AKR1B10: variants seen among roughly 807,000 people sequenced by gnomAD.
The protein encoded by AKR1B10 is ARP.
Under a neutral mutation model 38.9 loss-of-function variants are expected in AKR1B10, and 39 were observed. The ratio of observed to expected loss-of-function variants is 1.00; its 90% CI spans 0.78 to 1.31. The LOEUF (loss-of-function observed/expected upper bound fraction) is 1.31, where lower values mean the gene tolerates loss of function less well. Ranked by LOEUF, AKR1B10 falls within the 50% of genes most tolerant of loss-of-function variation. The pLI is 0.00. For synonymous variants in AKR1B10, 148 were observed against 141.2 expected (o/e 1.05, Z -0.34); for missense variants, 361 against 382.6 (o/e 0.94, Z 0.47).
At chr7:134,529,514 TAGC>T (rs1231555284) in intron 1 of AKR1B10, among the ~76,000 whole-genome samples, 2 of 152,136 alleles carry the variant, frequency 1.3e-5, no homozygotes, top group South Asian at 2.1e-4. Context: ...ATTATGAACT[TAGC>T]AGTGGAGGTG....
chr7:134,533,920 G>A (rs1236015398), intron 4 of AKR1B10, among the ~76,000 whole-genome samples: 1 of 152,158 alleles, frequency 6.6e-6, no homozygotes, highest in African/African-American at 2.4e-5. Flanking sequence ...ATGAACAGTG[G>A]CTTATGACTC....
rs58628862 is a variant in AKR1B10 at position 134,535,585 on chromosome 7, C to CTTTTT, written c.430-1046_430-1042dup. The CTTTTT allele has an allele frequency of 1.6e-3, 650 of 410,508 alleles. 2 individuals are homozygous for CTTTTT. Among genetic ancestry groups the CTTTTT allele is most frequent in the Non-Finnish European group, 1.7e-3 (561 of 336,310 alleles). 25.4% of individuals were successfully genotyped at this position (410,508 alleles called of 1,614,324 possible). A position where few individuals can be genotyped will look rare whatever the true frequency, so the allele number is the denominator to read the frequency against. ...CTCATGTTTTTTCCCTCTTTTCTGTCTTTTTTTTTTTTTTTTTTTTTTTCT... is the reference window on the plus strand; with the variant it reads ...CTCATGTTTTTTCCCTCTTTTCTGTCTTTTTTTTTTTTTTTTTTTTTTTTTTTTCT... On this transcript the variant is annotated intron_variant, in intron 4 of 9. Coordinates refer to ENST00000359579, the MANE Select transcript of AKR1B10 (RefSeq NM_020299.5).
rs1157503046 is a variant in AKR1B10 at position 134,527,631 on chromosome 7, C to T, written c.-281C>T. 2.0e-5 allele frequency: 5 copies of T among 249,108 alleles called. No homozygotes were observed. Among genetic ancestry groups the T allele is most frequent in the Admixed American group, 1.7e-4 (4 of 23,138 alleles). 15.4% of individuals were successfully genotyped at this position (249,108 alleles called of 1,614,324 possible). ...CTGTAATCCCAGCACTTTGGAAGGCCGAGGTGGGCGGATCACCTGAGCTCA... is the reference window on the plus strand; with the variant it reads ...CTGTAATCCCAGCACTTTGGAAGGCTGAGGTGGGCGGATCACCTGAGCTCA... On this transcript the variant is annotated 5_prime_UTR_variant, in exon 1 of 10. Transcript: ENST00000359579.
At chr7:134,535,498 C>G in intron 4 of AKR1B10, 1 of 565,130 alleles carries the variant, frequency 1.8e-6, no homozygotes, top group Non-Finnish European at 2.2e-6. Context: ...ATAAAGTGTT[C>G]CCTGAACATG....
At chr7:134,535,585 CTTTTTTTTTTTTT>C (rs58628862) in intron 4 of AKR1B10, 21 of 410,556 alleles carry the variant, frequency 5.1e-5, no homozygotes, top group African/African-American at 1.2e-4. Flanking sequence ...TCTTTTCTGT[CTTTTTTTTTTTTT>C]TTTTTTTTTT....
intron 1 of AKR1B10, among the ~76,000 whole-genome samples, chr7:134,529,227 C>T (rs958221527): frequency 6.6e-6 from 1 of 152,152 alleles, no homozygotes; most frequent in Non-Finnish European, 1.5e-5. Context: ...GGACCCTCTG[C>T]TGCAGCACTG....
chr7:134,535,501 T>C (rs1338054910), intron 4 of AKR1B10: 4 of 599,758 alleles, frequency 6.7e-6, no homozygotes, highest in Middle Eastern at 8.4e-4. Context: ...AAGTGTTCCC[T>C]GAACATGTCG....
chr7:134,534,216 A>G (rs1357902096), intron 4 of AKR1B10, among the ~76,000 whole-genome samples: 5 of 152,024 alleles, frequency 3.3e-5, no homozygotes, highest in Non-Finnish European at 5.9e-5. Flanking sequence ...CCCTCTACCA[A>G]GTAAAAGCCA....
rs1808050129 is a variant in AKR1B10 at position 134,537,671 on chromosome 7, T to C, written c.741+10T>C. ...AAAAACCGCAGCCCAGGTGCCATAT[T>C]TTTATTTTTCTTGTTATCCAACAAC... On this transcript the variant is annotated intron_variant, in intron 7 of 9. Coordinates refer to ENST00000359579, the MANE Select transcript of AKR1B10 (RefSeq NM_020299.5). 2 of 1,613,838 alleles carry C rather than the reference T, an allele frequency of 1.2e-6. No individual in the cohort carries two copies. Among genetic ancestry groups the C allele is most frequent in the Admixed American group, 1.7e-5 (1 of 59,998 alleles).
intron 1 of AKR1B10, among the ~76,000 whole-genome samples, chr7:134,529,858 C>G (rs1807802790): frequency 6.6e-6 from 1 of 151,712 alleles, no homozygotes; most frequent in African/African-American, 2.4e-5. Context: ...TTTCTTTTTA[C>G]AGGAGTGGAA....
At chr7:134,537,178 G>A (rs1347289443) in intron 6 of AKR1B10, 21 bp downstream of exon 6, 1 of 1,571,756 alleles carries the variant, frequency 6.4e-7, no homozygotes, top group Admixed American at 1.9e-5. Context: ...CAAGTGGTGG[G>A]TCTTTCTCTT....
intron 9 of AKR1B10, 25 bp downstream of exon 9, chr7:134,539,042 A>G (rs1444035926): frequency 1.2e-6 from 2 of 1,613,624 alleles, no homozygotes; most frequent in Non-Finnish European, 8.5e-7. Flanking sequence ...GTTAACTAGA[A>G]GCATTGCCAG....
chr7:134,539,643 A>G (rs983731595), intron 9 of AKR1B10, among the ~76,000 whole-genome samples: 27 of 152,130 alleles, frequency 1.8e-4, no homozygotes, highest in African/African-American at 4.8e-4. Context: ...TGTGTTTAGA[A>G]CATTCAAGCA....
chr7:134,530,495 A>T, intron 1 of AKR1B10, 148 bp from the exon 2 acceptor site: 1 of 821,358 alleles, frequency 1.2e-6, no homozygotes, highest in South Asian at 1.8e-5. Flanking sequence ...AGAGAATATG[A>T]TGGTTGCTGA....
intron 8 of AKR1B10, 147 bp downstream of exon 8, chr7:134,538,424 G>C: frequency 1.2e-6 from 1 of 814,928 alleles, no homozygotes; most frequent in South Asian, 1.7e-5. Flanking sequence ...AGGGAGCTAG[G>C]GTCAGTAGAG....
intron 7 of AKR1B10, 163 bp from the exon 8 acceptor site, chr7:134,538,031 G>T (rs2117553640): frequency 1.4e-6 from 1 of 720,294 alleles, no homozygotes. Context: ...GGGAGAGAAA[G>T]AGGTGGGGGT....
intron 4 of AKR1B10, among the ~76,000 whole-genome samples, chr7:134,534,508 C>T (rs1302574998): frequency 3.9e-5 from 6 of 152,172 alleles, no homozygotes; most frequent in African/African-American, 7.2e-5. Flanking sequence ...GCCTGCTTCT[C>T]GCAGTGCTGT....
At chr7:134,529,860 G>T (rs1440572765) in intron 1 of AKR1B10, among the ~76,000 whole-genome samples, 1 of 150,724 alleles carries the variant, frequency 6.6e-6, no homozygotes, top group Non-Finnish European at 1.5e-5. Flanking sequence ...TCTTTTTACA[G>T]GAGTGGAAAA....
intron 4 of AKR1B10, chr7:134,535,585 C>CA: frequency 7.3e-6 from 3 of 408,434 alleles, no homozygotes; most frequent in Non-Finnish European, 8.9e-6. Flanking sequence ...TCTTTTCTGT[C>CA]TTTTTTTTTT....
Sources: gnomAD v4.1 joint callset for allele counts (sites outside exome capture counted in the v4.1 genomes callset) on GRCh38, gnomAD v4.1.1 for gene constraint, MANE v1.5 for transcripts, NCBI Gene and HGNC (gene_info 2026-07-23, HGNC 2026-07-21) for gene names.